Variants in SHISA9 observed in about 807,000 individuals in gnomAD.
The protein encoded by SHISA9 is protein shisa-9.
In SHISA9, 13 loss-of-function variants were observed where a neutral mutation model predicts 38.0. The observed-to-expected ratio is 0.34, with a 90% CI of 0.22 to 0.54. The LOEUF (loss-of-function observed/expected upper bound fraction) is 0.54, where lower values mean the gene tolerates loss of function less well. Ranked by LOEUF, SHISA9 falls within the 20% of genes least tolerant of loss-of-function variation. SHISA9 has a pLI of 0.91. For synonymous variants in SHISA9, 275 were observed against 242.0 expected (o/e 1.14, Z -1.27); for missense variants, 538 against 575.8 (o/e 0.93, Z 0.67).
chr16:13,310,684 C>CTT, the SHISA9 span, among the ~76,000 whole-genome samples: 224 of 125,582 alleles, frequency 1.8e-3, 2 homozygotes, highest in South Asian at 3.4e-3. Context: ...GATTTTTATG[C>CTT]TTTTTTTTTT....
chr16:13,453,178 G>A, the SHISA9 span, among the ~76,000 whole-genome samples: 11 of 152,030 alleles, frequency 7.2e-5, no homozygotes, highest in South Asian at 4.2e-4. Flanking sequence ...GTGAGCCACC[G>A]CGCCCAGCCT....
At chr16:13,278,822 C>G in the SHISA9 span, among the ~76,000 whole-genome samples, 2 of 151,920 alleles carry the variant, frequency 1.3e-5, no homozygotes, top group African/African-American at 4.8e-5. Flanking sequence ...CTTGGTTAAT[C>G]TTGCTAATGG....
chr16:13,007,363 G>A (rs967024341), intron 2 of SHISA9, among the ~76,000 whole-genome samples: 1 of 151,954 alleles, frequency 6.6e-6, no homozygotes, highest in Non-Finnish European at 1.5e-5. Flanking sequence ...CCCCCAATAG[G>A]CCTCTAGTCC....
the SHISA9 span, among the ~76,000 whole-genome samples, chr16:13,416,856 G>C: frequency 6.6e-6 from 1 of 150,822 alleles, no homozygotes; most frequent in East Asian, 1.9e-4. Context: ...AGAGAGGGAA[G>C]AAGGGAGGGA....
At chr16:13,253,522 T>TA in the SHISA9 span, among the ~76,000 whole-genome samples, 3 of 152,014 alleles carry the variant, frequency 2.0e-5, no homozygotes, top group African/African-American at 4.8e-5. Context: ...TGGTAGAAGG[T>TA]AAAAAAGAAG....
the SHISA9 span, among the ~76,000 whole-genome samples, chr16:13,545,859 C>T: frequency 6.6e-6 from 1 of 152,124 alleles, no homozygotes; most frequent in Non-Finnish European, 1.5e-5. Flanking sequence ...ATTCAATGGG[C>T]CACAATGATT....
intron 2 of SHISA9, among the ~76,000 whole-genome samples, chr16:13,189,503 A>G (rs1472064118): frequency 2.6e-5 from 4 of 152,228 alleles, no homozygotes; most frequent in Non-Finnish European, 5.9e-5. Context: ...TCTTTGTAAA[A>G]TAGAATTGTT....
chr16:13,226,034 G>C (rs2051275995), intron 4 of SHISA9, among the ~76,000 whole-genome samples: 2 of 152,300 alleles, frequency 1.3e-5, no homozygotes, highest in South Asian at 4.1e-4. Flanking sequence ...GGGCTGATTA[G>C]GTTAATGCAT....
intron 2 of SHISA9, among the ~76,000 whole-genome samples, chr16:13,053,933 C>G (rs1399065729): frequency 6.6e-6 from 1 of 152,210 alleles, no homozygotes; most frequent in African/African-American, 2.4e-5. Flanking sequence ...CACTGATACC[C>G]TCCCCAGAGT....
At chr16:13,348,587 A>G in the SHISA9 span, among the ~76,000 whole-genome samples, 1 of 151,700 alleles carries the variant, frequency 6.6e-6, no homozygotes, top group Non-Finnish European at 1.5e-5. Flanking sequence ...GCAGCCATTC[A>G]GTCTCCACAG....
chr16:13,136,532 G>A (rs1458749991), intron 2 of SHISA9, among the ~76,000 whole-genome samples: 3 of 151,464 alleles, frequency 2.0e-5, no homozygotes, highest in Non-Finnish European at 2.9e-5. Flanking sequence ...CTGACTAGCT[G>A]GGATTACAGG....
intron 2 of SHISA9, among the ~76,000 whole-genome samples, chr16:13,056,658 C>T (rs2073314075): frequency 6.6e-6 from 1 of 152,232 alleles, no homozygotes; most frequent in African/African-American, 2.4e-5. Flanking sequence ...AGCTAAGTCA[C>T]CTCACCTGTC....
intron 2 of SHISA9, among the ~76,000 whole-genome samples, chr16:13,080,520 G>C (rs1381198195): frequency 1.3e-5 from 2 of 152,188 alleles, no homozygotes; most frequent in African/African-American, 2.4e-5. Flanking sequence ...GGGTAAGGGA[G>C]AATGAGACTT....
chr16:13,003,716 G>C (rs1171585650), intron 2 of SHISA9, among the ~76,000 whole-genome samples: 2 of 152,072 alleles, frequency 1.3e-5, no homozygotes, highest in African/African-American at 2.4e-5. Flanking sequence ...AGATTAGCCG[G>C]GCATGGTGGT....
At chr16:13,462,082 C>T in the SHISA9 span, among the ~76,000 whole-genome samples, 1 of 151,700 alleles carries the variant, frequency 6.6e-6, no homozygotes. Context: ...CCAGGCTGAG[C>T]AACATAGTGA....
At chr16:12,971,758 C>A (rs1216375071) in intron 2 of SHISA9, among the ~76,000 whole-genome samples, 2 of 152,050 alleles carry the variant, frequency 1.3e-5, no homozygotes, top group Non-Finnish European at 2.9e-5. Context: ...ATCAAAGCAG[C>A]CAAAGTAAGG....
At chr16:13,251,508 GC>G in the SHISA9 span, among the ~76,000 whole-genome samples, 1 of 152,134 alleles carries the variant, frequency 6.6e-6, no homozygotes, top group African/African-American at 2.4e-5. Context: ...ACTAATGGTT[GC>G]GGGGAGAGGG....
chr16:13,381,398 A>G, the SHISA9 span, among the ~76,000 whole-genome samples: 1 of 152,204 alleles, frequency 6.6e-6, no homozygotes, highest in African/African-American at 2.4e-5. Flanking sequence ...TCCATAGGAA[A>G]CTAAACAGAT....
the SHISA9 span, among the ~76,000 whole-genome samples, chr16:13,411,785 C>A: frequency 6.6e-6 from 1 of 152,224 alleles, no homozygotes; most frequent in Non-Finnish European, 1.5e-5. Flanking sequence ...AGATGGCTGC[C>A]TGTGTCTCCA....
Sources: gnomAD v4.1 joint callset for allele counts (sites outside exome capture counted in the v4.1 genomes callset) on GRCh38, gnomAD v4.1.1 for gene constraint, MANE v1.5 for transcripts, NCBI Gene and HGNC (gene_info 2026-07-23, HGNC 2026-07-21) for gene names.